TG: variants seen among roughly 807,000 people sequenced by gnomAD.
TG encodes thyroglobulin.
TG carries 270 observed loss-of-function variants against 324.7 expected under a neutral mutation model. The ratio of observed to expected loss-of-function variants is 0.83; its 90% CI spans 0.75 to 0.92. The LOEUF (loss-of-function observed/expected upper bound fraction) is 0.92, where lower values mean the gene tolerates loss of function less well. Ranked by LOEUF, TG falls within the 40% of genes least tolerant of loss-of-function variation. The probability of loss-of-function intolerance (pLI) is 0.00; values close to 1 mark genes in which losing one functional copy is unlikely to be tolerated. For missense variants in TG, 3,591 were observed against 3,456.4 expected (o/e 1.04, Z -0.98); for synonymous variants, 1,401 against 1,327.0 (o/e 1.06, Z -1.21).
rs1187537111 is a variant in TG, at chr8:132,887,562, G to A, written c.2176+14G>A. 2 of 1,614,148 alleles carry A rather than the reference G, an allele frequency of 1.2e-6. No homozygotes were observed. On this transcript the variant is annotated intron_variant, in intron 9 of 47. Coordinates refer to ENST00000220616, the MANE Select transcript of TG (RefSeq NM_003235.5). ...AGCCCAAGAAATGTAAGTCTGTTGG[G>A]TATTCAATCTGTAGGTTCCCTGAGT... is the stretch of plus-strand genomic sequence containing the variant.
intron 29 of TG, among the ~76,000 whole-genome samples, chr8:132,966,197 T>C (rs1443286859): frequency 6.6e-6 from 1 of 152,304 alleles, no homozygotes. Context: ...AATGATGTCA[T>C]GTGGAGCTAT....
At chr8:132,984,520 A>G (rs1221673879) in intron 35 of TG, among the ~76,000 whole-genome samples, 1 of 152,210 alleles carries the variant, frequency 6.6e-6, no homozygotes, top group Non-Finnish European at 1.5e-5. Flanking sequence ...AGAGACAGAT[A>G]AGGTTGCCCA....
chr8:132,942,923 C>T (rs113159331), intron 26 of TG, among the ~76,000 whole-genome samples: 2,409 of 152,148 alleles, frequency 0.016, 34 homozygotes, highest in Non-Finnish European at 0.024. Context: ...ACAGAGAGAC[C>T]CCAGGTTTTC....
chr8:133,104,611 A>G (rs983402721), intron 43 of TG, among the ~76,000 whole-genome samples: 10 of 152,230 alleles, frequency 6.6e-5, no homozygotes, highest in African/African-American at 2.4e-4. Flanking sequence ...ACAATAGCCA[A>G]GAAAAGAAAG....
In TG at chr8:132,989,297, A is replaced by T. The variant is rs899742051; in HGVS notation, c.6262+5885A>T. ...CTACTTAATTAAATTTACTATTTGG[A>T]TTGAAAGCCAGGGTAAACACAGAAT... On this transcript the variant is annotated intron_variant, in intron 35 of 47. Coordinates refer to ENST00000220616, the MANE Select transcript of TG (RefSeq NM_003235.5). Among the ~76,000 whole-genome samples, 3 of 152,196 alleles carry T rather than the reference A, an allele frequency of 2.0e-5. No homozygotes were observed. In the East Asian group the frequency reaches 5.8e-4, roughly 29 times the overall value.
intron 41 of TG, among the ~76,000 whole-genome samples, chr8:133,086,598 A>G (rs934251846): frequency 1.3e-5 from 2 of 152,326 alleles, no homozygotes; most frequent in Admixed American, 1.3e-4. Context: ...GCATAAGGAA[A>G]TCATCATGGA....
chr8:132,882,344 T>C (rs1180199224), intron 6 of TG, 125 bp from the exon 7 acceptor site: 1 of 1,145,038 alleles, frequency 8.7e-7, no homozygotes, highest in South Asian at 1.2e-5. Flanking sequence ...TGTTAAAGTG[T>C]TGTTCAGACT....
At chr8:132,929,016 TTCTC>T in intron 22 of TG, 56 bp from the exon 23 acceptor site, 1 of 1,390,202 alleles carries the variant, frequency 7.2e-7, no homozygotes. Context: ...TCTTTATGGC[TTCTC>T]TGCAGATGCC....
At position 132,882,964 on chromosome 8, in the gene TG, A is replaced by G. The variant is rs200412611; in HGVS notation, c.1040A>G (p.His347Arg). ...GTGGACGCCCAGGGGAAGGAAATGC[A>G]TGGAACCCGGCAGCAAGGGGAGCCG... is the stretch of plus-strand genomic sequence containing the variant. Reference protein sequence around the residue: ...WCVDAQGKEMHGTRQQGEPPS... With the variant: ...WCVDAQGKEMRGTRQQGEPPS... Residue 347 changes from histidine to arginine, a missense_variant, in exon 8 of 48, where the codon CAT becomes CGT. Coordinates refer to ENST00000220616, the MANE Select transcript of TG (RefSeq NM_003235.5). 99 of 1,613,990 alleles carry G rather than the reference A, an allele frequency of 6.1e-5. No homozygotes were observed. The highest frequency in any genetic ancestry group is 7.8e-5 in the Non-Finnish European group (92 of 1,180,000).
At chr8:132,897,205 C>T (rs760903650) in intron 11 of TG, among the ~76,000 whole-genome samples, 2 of 152,188 alleles carry the variant, frequency 1.3e-5, no homozygotes, top group Non-Finnish European at 2.9e-5. Flanking sequence ...TTGCTTAATC[C>T]ATCTGTGTCT....
intron 26 of TG, among the ~76,000 whole-genome samples, chr8:132,946,388 A>T (rs2702988): frequency 0.47 from 71,533 of 152,008 alleles, 20,043 homozygotes; most frequent in Non-Finnish European, 0.61. Context: ...TGAACTAAAC[A>T]CTCACCTCGC....
chr8:132,990,445 C>T (rs1832174538), intron 35 of TG, among the ~76,000 whole-genome samples: 1 of 151,980 alleles, frequency 6.6e-6, no homozygotes, highest in African/African-American at 2.4e-5. Flanking sequence ...ATTCCAAATC[C>T]TCTCTCCTAG....
rs186696750 is a variant in TG at position 132,989,971 on chromosome 8, A to T, written c.6262+6559A>T. Among the ~76,000 whole-genome samples, 7 of 152,184 alleles carry T rather than the reference A, an allele frequency of 4.6e-5. No individual in the cohort carries two copies. In the East Asian group the frequency reaches 1.4e-3, roughly 29 times the overall value. On this transcript the variant is annotated intron_variant, in intron 35 of 47. Coordinates refer to ENST00000220616, the MANE Select transcript of TG (RefSeq NM_003235.5). Reference sequence around the variant, plus strand: ...ATAATGGTGAAATATAAGCAATATCAGTCTAGCAGGCTTTTGTTGAAGAGC... The same window carrying T: ...ATAATGGTGAAATATAAGCAATATCTGTCTAGCAGGCTTTTGTTGAAGAGC...
At chr8:132,940,738 G>A (rs1004706144) in intron 25 of TG, among the ~76,000 whole-genome samples, 3 of 152,152 alleles carry the variant, frequency 2.0e-5, no homozygotes. Flanking sequence ...GAAGAATGTG[G>A]GATCATGGGT....
intron 26 of TG, among the ~76,000 whole-genome samples, chr8:132,942,983 T>C (rs1318722081): frequency 6.6e-6 from 1 of 152,148 alleles, no homozygotes; most frequent in Non-Finnish European, 1.5e-5. Context: ...AGGTGTTTTT[T>C]GGTATCACCT....
At chr8:133,109,339 A>C (rs892869727) in intron 43 of TG, among the ~76,000 whole-genome samples, 4 of 152,204 alleles carry the variant, frequency 2.6e-5, no homozygotes, top group Non-Finnish European at 5.9e-5. Context: ...TTTAACGCTT[A>C]TTGGATTAAA....
intron 5 of TG, among the ~76,000 whole-genome samples, chr8:132,881,387 C>T (rs1183053702): frequency 6.6e-6 from 1 of 152,088 alleles, no homozygotes; most frequent in Non-Finnish European, 1.5e-5. Flanking sequence ...TGGCAGCTGG[C>T]TTCTTTTCAA....
chr8:132,943,681 C>T (rs905778005), intron 26 of TG, among the ~76,000 whole-genome samples: 1 of 152,122 alleles, frequency 6.6e-6, no homozygotes, highest in Non-Finnish European at 1.5e-5. Context: ...AGTGCCTTTC[C>T]GGTTGCTCTC....
At chr8:132,917,675 G>A (rs1055688918) in intron 20 of TG, among the ~76,000 whole-genome samples, 1 of 151,964 alleles carries the variant, frequency 6.6e-6, no homozygotes, top group Non-Finnish European at 1.5e-5. Flanking sequence ...CCAGGTGCGG[G>A]CTTGAGCCAC....
Sources: allele counts gnomAD v4.1 joint callset (sites outside exome capture counted in the v4.1 genomes callset), GRCh38; gene constraint gnomAD v4.1.1; transcripts MANE v1.5; gene names NCBI Gene and HGNC (gene_info 2026-07-23, HGNC 2026-07-21).